The following MDM1 variants were observed in gnomAD, a reference collection of about 807,000 sequenced individuals.
The protein encoded by MDM1 is Mdm1 nuclear protein.
In MDM1, 61 loss-of-function variants were observed where a neutral mutation model predicts 89.1. The observed-to-expected ratio is 0.68, with a 90% confidence interval of 0.56 to 0.85. MDM1 has a LOEUF of 0.85. Ranked by LOEUF, MDM1 falls within the 40% of genes least tolerant of loss-of-function variation. MDM1 has a pLI of 0.00. For synonymous variants in MDM1, 290 were observed against 294.1 expected, an observed-to-expected ratio of 0.99 and a Z score of 0.14; for missense variants, 820 against 846.5, an observed-to-expected ratio of 0.97 and a Z score of 0.39.
chr12:68,311,509 C>T (rs1322935756), intron 12 of MDM1, among the ~76,000 whole-genome samples: 1 of 152,186 alleles, frequency 6.6e-6, no homozygotes, highest in African/African-American at 2.4e-5. Context: ...ATCAGCAGTG[C>T]CTGCCCATGA....
chr12:68,297,133 G>C, intron 13 of MDM1, 151 bp from the exon 14 acceptor site: 1 of 444,874 alleles, frequency 2.2e-6, no homozygotes. Flanking sequence ...AAATGAAAAA[G>C]ATTTTATTAA....
Position 68,302,921 on chromosome 12 carries a change from G to A in MDM1, c.1750-49C>T, listed in dbSNP as rs1259995833. Reference sequence around the variant, plus strand: ...AAAAAAGATGCCTATGTGTAGATATGTAAATAAATAAGCCAAACATTTAAA... The same window carrying A: ...AAAAAAGATGCCTATGTGTAGATATATAAATAAATAAGCCAAACATTTAAA... On this transcript the variant is annotated intron_variant, in intron 12 of 14. Coordinates refer to ENST00000682720, the MANE Select transcript of MDM1 (RefSeq NM_001354969.2). The A allele has an allele frequency of 3.4e-6, 5 of 1,455,566 alleles. No individual in the cohort carries two copies. In the East Asian group the frequency reaches 9.4e-5, roughly 27 times the overall value. 90.2% of individuals were successfully genotyped at this position (1,455,566 alleles called of 1,614,324 possible).
chr12:68,315,295 T>C (rs1330464640), intron 9 of MDM1, 30 bp from the exon 10 acceptor site: 3 of 1,582,770 alleles, frequency 1.9e-6, no homozygotes, highest in Non-Finnish European at 1.7e-6. Context: ...TTATTTTAAA[T>C]GTGAATAGTT....
chr12:68,301,846 TA>T (rs1315363933), intron 13 of MDM1, among the ~76,000 whole-genome samples: 1 of 152,064 alleles, frequency 6.6e-6, no homozygotes. Flanking sequence ...CACACCCAGC[TA>T]ATTTTTTTGT....
chr12:68,317,678 T>C (rs929202400), intron 7 of MDM1, among the ~76,000 whole-genome samples: 2 of 152,248 alleles, frequency 1.3e-5, no homozygotes, highest in African/African-American at 4.8e-5. Flanking sequence ...TTATCATTTC[T>C]ATCAACTCCT....
chr12:68,314,930 G>C lies in MDM1; in HGVS notation c.1529+18C>G, dbSNP rs1191022717. 2 of 1,590,116 alleles carry C rather than the reference G, an allele frequency of 1.3e-6. No homozygotes were observed. Among genetic ancestry groups the C allele is most frequent in the Non-Finnish European group, 1.7e-6 (2 of 1,159,760 alleles). ...TGTAAATAACGCTTCTCTATACTGA[G>C]TAATTTAAAACTCTCACCCTTCTTT... On this transcript the variant is annotated intron_variant, in intron 10 of 14. Coordinates refer to ENST00000682720, the MANE Select transcript of MDM1 (RefSeq NM_001354969.2).
intron 13 of MDM1, among the ~76,000 whole-genome samples, chr12:68,301,118 G>A (rs1302654045): frequency 6.6e-6 from 1 of 152,142 alleles, no homozygotes; most frequent in Non-Finnish European, 1.5e-5. Flanking sequence ...GAGTAACAGT[G>A]ACACAAGTTA....
In MDM1 at chr12:68,332,354, C is replaced by T; in HGVS notation, c.-109G>A. On this transcript the variant is annotated 5_prime_UTR_variant, in exon 1 of 15. Transcript: ENST00000682720. ...TAGCAAAGCCTCGGCCCGGCGTCCCCGACTACGCGCCGGCGCACTCCGCGC... is the reference window on the plus strand; with the variant it reads ...TAGCAAAGCCTCGGCCCGGCGTCCCTGACTACGCGCCGGCGCACTCCGCGC... 1 of 1,346,628 alleles carries T rather than the reference C, an allele frequency of 7.4e-7. No homozygotes were observed. The highest frequency in any genetic ancestry group is 1.0e-6 in the Non-Finnish European group (1 of 1,004,618). 83.4% of individuals were successfully genotyped at this position (1,346,628 alleles called of 1,614,324 possible).
At chr12:68,323,045 T>G in intron 5 of MDM1, 28 bp downstream of exon 5, 1 of 1,572,724 alleles carries the variant, frequency 6.4e-7, no homozygotes, top group East Asian at 2.3e-5. Context: ...GGGGATTTTG[T>G]TTTGTAAGGT....
chr12:68,306,506 C>T (rs981244411), intron 12 of MDM1, among the ~76,000 whole-genome samples: 1 of 151,950 alleles, frequency 6.6e-6, no homozygotes, highest in African/African-American at 2.4e-5. Flanking sequence ...TATCTGACAA[C>T]GGACTAATAT....
chr12:68,316,205 C>T lies in MDM1; in HGVS notation c.1084G>A (p.Gly362Arg). The part of the protein sequence containing the change: ...KAEFYRKRVQ[G>R]THFSRDHLNQ... The stretch of plus-strand genomic sequence containing the variant: ...AGATGGTCCCGAGAAAAATGCGTCC[C>T]CTGAACTCGCTTCCTATAAAACTCA... The change falls in exon 9 of 15, where the codon GGG becomes AGG. Residue 362 changes from glycine (G) to arginine (R), a missense_variant. Coordinates refer to ENST00000682720, the MANE Select transcript of MDM1 (RefSeq NM_001354969.2). 1 of 1,613,904 alleles carries T rather than the reference C, an allele frequency of 6.2e-7. No homozygotes were observed. Among genetic ancestry groups the T allele is most frequent in the Non-Finnish European group, 8.5e-7 (1 of 1,179,896 alleles).
chr12:68,326,581 G>A (rs1876014638), intron 3 of MDM1, 76 bp downstream of exon 3: 1 of 1,613,578 alleles, frequency 6.2e-7, no homozygotes. Flanking sequence ...AACACAAAAT[G>A]TAATATTACA....
intron 4 of MDM1, chr12:68,325,184 T>A: frequency 9.2e-7 from 1 of 1,087,788 alleles, no homozygotes; most frequent in Admixed American, 5.1e-5. Flanking sequence ...GTTCCCCAAG[T>A]TTTCATTACC....
rs1247989465 is a variant in MDM1 at position 68,326,755 on chromosome 12, C to T, written c.400G>A (p.Val134Met). The T allele has an allele frequency of 6.2e-7, 1 of 1,614,126 alleles. No homozygotes were observed. The highest frequency in any genetic ancestry group is 1.7e-5 in the Admixed American group (1 of 60,016). The change falls in exon 3 of 15, where the codon GTG (valine) becomes ATG (methionine). Residue 134 changes from valine (V) to methionine (M), a missense_variant. Val to Met is a conservative substitution (Grantham distance 21, BLOSUM62 1). Transcript: ENST00000682720. ...TTTGTTACACCCTCATTATTTTCCA[C>T]ATCTGAAGCCCCTTCAGCTCTGGAG... ...ADSRAEGASD[V>M]ENNEGVTNHT...
At chr12:68,322,461 G>A (rs1056859215) in intron 5 of MDM1, among the ~76,000 whole-genome samples, 2 of 151,912 alleles carry the variant, frequency 1.3e-5, no homozygotes, top group Non-Finnish European at 2.9e-5. Context: ...AGTGAAACCC[G>A]CATCTCTACT....
intron 12 of MDM1, among the ~76,000 whole-genome samples, chr12:68,304,858 T>A (rs1872664471): frequency 1.3e-5 from 2 of 152,210 alleles, no homozygotes; most frequent in Non-Finnish European, 1.5e-5. Flanking sequence ...ATTTGCTTTG[T>A]TGCTTCTGAT....
chr12:68,314,302 C>G (rs1015904150), intron 10 of MDM1, among the ~76,000 whole-genome samples: 3 of 151,942 alleles, frequency 2.0e-5, no homozygotes, highest in Non-Finnish European at 4.4e-5. Flanking sequence ...TAAGCTATAT[C>G]AACTATATCA....
At chr12:68,297,297 T>C (rs1323862251) in intron 13 of MDM1, among the ~76,000 whole-genome samples, 1 of 152,226 alleles carries the variant, frequency 6.6e-6, no homozygotes, top group Non-Finnish European at 1.5e-5. Flanking sequence ...GTAGTAGGCT[T>C]CTGATTAGAG....
At chr12:68,320,000 G>A (rs561608268) in intron 7 of MDM1, among the ~76,000 whole-genome samples, 22 of 152,312 alleles carry the variant, frequency 1.4e-4, no homozygotes, top group Middle Eastern at 3.4e-3. Context: ...GAGATCAAGC[G>A]TAGAAATCTC....
Sources: allele counts gnomAD v4.1 joint callset (sites outside exome capture counted in the v4.1 genomes callset), GRCh38; gene constraint gnomAD v4.1.1; transcripts MANE v1.5; gene names NCBI Gene and HGNC (gene_info 2026-07-23, HGNC 2026-07-21).